CKAP5: variants seen among roughly 807,000 people sequenced by gnomAD.
The protein encoded by CKAP5 is cytoskeleton-associated protein 5.
Under a neutral mutation model 232.8 loss-of-function variants are expected in CKAP5, and 27 were observed. The ratio of observed to expected loss-of-function variants is 0.12; its 90% CI spans 0.09 to 0.16. CKAP5 has a LOEUF of 0.16. Ranked by LOEUF, CKAP5 falls within the 10% of genes least tolerant of loss-of-function variation. The pLI is 1.00. For missense variants in CKAP5, 1,838 were observed against 2,424.7 expected (o/e 0.76, Z 5.08); for synonymous variants, 785 against 841.1 (o/e 0.93, Z 1.16).
At chr11:46,830,757 G>T (rs1939772230) in intron 1 of CKAP5, among the ~76,000 whole-genome samples, 1 of 152,128 alleles carries the variant, frequency 6.6e-6, no homozygotes. Flanking sequence ...TTTCTGGAAG[G>T]ATCTGTAGAA....
At chr11:46,749,846 G>T (rs2065049834) in intron 42 of CKAP5, among the ~76,000 whole-genome samples, 1 of 151,560 alleles carries the variant, frequency 6.6e-6, no homozygotes, top group South Asian at 2.1e-4. Flanking sequence ...AGCTACTCGG[G>T]AGGCTGAGGC....
Position 46,784,567 on chromosome 11 carries a change from T to C in CKAP5, c.2075A>G (p.Asp692Gly). The C allele has an allele frequency of 6.2e-7, 1 of 1,614,086 alleles. No individual in the cohort carries two copies. Among genetic ancestry groups the C allele is most frequent in the Non-Finnish European group, 8.5e-7 (1 of 1,179,982 alleles). The change falls in exon 17 of 44, where the codon GAT (aspartate) becomes GGT (glycine). Residue 692 changes from aspartate to glycine, a missense_variant. This residue lies in a region of CKAP5 where 767 missense variants were observed against 954.6 expected (regional missense o/e 0.80). Transcript: ENST00000529230. Reference protein sequence around the residue: ...VLDGLVDKIGDVKCGNNAKEA... With the variant: ...VLDGLVDKIGGVKCGNNAKEA... ...TTTTGCATTGTTCCCACATTTCACATCTCCAATCTTGTCCACAAGGCCATC... is the reference window on the plus strand; with the variant it reads ...TTTTGCATTGTTCCCACATTTCACACCTCCAATCTTGTCCACAAGGCCATC...
chr11:46,794,146 G>A (rs552852249), intron 13 of CKAP5, among the ~76,000 whole-genome samples: 41 of 152,224 alleles, frequency 2.7e-4, no homozygotes, highest in Admixed American at 6.5e-4. Context: ...AAAATCTTTA[G>A]AACAAAATAG....
intron 1 of CKAP5, among the ~76,000 whole-genome samples, chr11:46,825,916 A>G (rs933962154): frequency 2.0e-5 from 3 of 152,190 alleles, no homozygotes; most frequent in Admixed American, 6.5e-5. Context: ...AAAATCTGAC[A>G]AAATCCCATC....
intron 35 of CKAP5, 167 bp downstream of exon 35, chr11:46,758,756 T>G: frequency 1.5e-6 from 1 of 661,104 alleles, no homozygotes; most frequent in Non-Finnish European, 2.4e-6. Context: ...AGTCACATCC[T>G]CTGAGGCAAG....
chr11:46,822,843 T>C (rs2134693975), intron 1 of CKAP5, among the ~76,000 whole-genome samples: 1 of 152,002 alleles, frequency 6.6e-6, no homozygotes, highest in Admixed American at 6.5e-5. Flanking sequence ...GACTAGTCAA[T>C]GTTTATATAA....
intron 8 of CKAP5, among the ~76,000 whole-genome samples, chr11:46,804,082 T>G (rs1939097733): frequency 6.6e-6 from 1 of 152,230 alleles, no homozygotes; most frequent in African/African-American, 2.4e-5. Flanking sequence ...ACTATCATTC[T>G]ATTCCTTTCT....
At chr11:46,826,675 T>TA (rs1314590269) in intron 1 of CKAP5, 2 of 152,298 alleles carry the variant, frequency 1.3e-5, no homozygotes, top group African/African-American at 4.8e-5. Context: ...TAGCCTCTGA[T>TA]AGGCCAGCAA....
chr11:46,751,659 A>G (rs903482942), intron 38 of CKAP5, 125 bp from the exon 39 acceptor site: 28 of 773,704 alleles, frequency 3.6e-5, no homozygotes, highest in Middle Eastern at 2.8e-4. Flanking sequence ...GTGGCACATC[A>G]TATCTTTCAA....
At chr11:46,790,645 T>A in intron 13 of CKAP5, 62 bp from the exon 14 acceptor site, 1 of 1,169,626 alleles carries the variant, frequency 8.5e-7, no homozygotes, top group Non-Finnish European at 1.2e-6. Flanking sequence ...TGGAGTTTTT[T>A]ATTTTTATTT....
chr11:46,787,544 G>A (rs986936284), intron 16 of CKAP5, among the ~76,000 whole-genome samples: 1 of 152,050 alleles, frequency 6.6e-6, no homozygotes, highest in Admixed American at 6.6e-5. Context: ...ATCAGTTAAT[G>A]GGGCTATACA....
intron 9 of CKAP5, among the ~76,000 whole-genome samples, chr11:46,799,135 G>C (rs1331424772): frequency 6.6e-6 from 1 of 151,922 alleles, no homozygotes. Context: ...GAGTAGGTAG[G>C]CCTCAGGTAT....
intron 1 of CKAP5, among the ~76,000 whole-genome samples, chr11:46,842,162 C>T (rs973429795): frequency 1.3e-5 from 2 of 152,192 alleles, no homozygotes; most frequent in African/African-American, 4.8e-5. Flanking sequence ...AAAGCTGTCC[C>T]TCAAGGGAAA....
Position 46,818,393 on chromosome 11 carries a change from A to G in CKAP5, c.168T>C (p.Phe56=). Residue 56 remains phenylalanine, a synonymous_variant, in exon 3 of 44, where the codon TTT becomes TTC. Coordinates refer to ENST00000529230, the MANE Select transcript of CKAP5 (RefSeq NM_001008938.4). The part of the protein sequence containing the change: ...WSKFLGLIKK[F]VTDSNAVVQL... ...GAACCACTGCATTGGAATCAGTGAC[A>G]AATTTTTTGATCAATCCTAAAAATT... 6.2e-7 allele frequency: 1 copy of G among 1,612,388 alleles called. No homozygotes were observed. Among genetic ancestry groups the G allele is most frequent in the Middle Eastern group, 1.7e-4 (1 of 6,054 alleles).
At chr11:46,778,011 G>A in intron 22 of CKAP5, 128 bp downstream of exon 22, 1 of 692,662 alleles carries the variant, frequency 1.4e-6, no homozygotes. Flanking sequence ...TAAATTAAAG[G>A]CAGCTATTTC....
chr11:46,777,213 C>A (rs528360820), intron 23 of CKAP5, among the ~76,000 whole-genome samples: 3 of 152,244 alleles, frequency 2.0e-5, no homozygotes, highest in South Asian at 2.1e-4. Context: ...AAGAAACTGA[C>A]CCTCAACAAA....
At position 46,751,395 on chromosome 11, in the gene CKAP5, C is replaced by T; in HGVS notation, c.5273G>A (p.Arg1758Lys). 2.5e-6 allele frequency: 4 copies of T among 1,614,036 alleles called. No individual in the cohort carries two copies. The change falls in exon 39 of 44, where the codon AGG becomes AAG. Residue 1758 changes from arginine to lysine, a missense_variant. Around this residue, in one of 6 missense-constraint regions of CKAP5, gnomAD observed 579 missense variants for 843.2 expected, o/e 0.69. Transcript: ENST00000529230. ...LKQCKSEFPIRTLKTLLHTLC... is the reference protein window; with the variant it reads ...LKQCKSEFPIKTLKTLLHTLC... The stretch of plus-strand genomic sequence containing the variant: ...GGTGTGTAGCAGGGTCTTTAGGGTC[C>T]TTATGGGAAATTCACTTTTGCATTG...
At position 46,780,262 on chromosome 11, in the gene CKAP5, A is replaced by T. The variant is rs781049291; in HGVS notation, c.2365T>A (p.Ser789Thr). The T allele has an allele frequency of 5.6e-6, 9 of 1,614,082 alleles. No homozygotes were observed. The South Asian group carries it at 8.8e-5, about 16-fold the overall frequency. ...LGVMYLYVGP[S>T]LRMFFEDEKP... ...TCATCCTCAAAGAACATTCGCAAAG[A>T]GGGACCAACATACAGATACATCACG... Residue 789 changes from serine (S) to threonine (T), a missense_variant, in exon 20 of 44, where the codon TCT becomes ACT. Ser to Thr is a moderately conservative substitution (Grantham distance 58, BLOSUM62 1). Around this residue, in one of 6 missense-constraint regions of CKAP5, gnomAD observed 767 missense variants for 954.6 expected, o/e 0.80. Coordinates refer to ENST00000529230, the MANE Select transcript of CKAP5 (RefSeq NM_001008938.4).
chr11:46,772,854 GC>G (rs2065259098), intron 24 of CKAP5, among the ~76,000 whole-genome samples: 1 of 151,868 alleles, frequency 6.6e-6, no homozygotes, highest in African/African-American at 2.4e-5. Context: ...TGATTCTCCT[GC>G]CACAGCCTCT....
Sources: allele counts gnomAD v4.1 joint callset (sites outside exome capture counted in the v4.1 genomes callset), GRCh38; gene constraint gnomAD v4.1.1; regional missense constraint gnomAD v4.1.1; transcripts MANE v1.5; gene names NCBI Gene and HGNC (gene_info 2026-07-23, HGNC 2026-07-21).